Variants in AHI1 observed in about 807,000 individuals in gnomAD.
AHI1 encodes Abelson helper integration site 1, also known as jouberin.
A neutral mutation model predicts 149.3 loss-of-function variants in AHI1; 123 were observed. That is an observed-to-expected ratio of 0.82 (90% CI 0.71 to 0.96). The LOEUF is 0.96. Ranked by LOEUF, AHI1 falls within the 40% of genes least tolerant of loss-of-function variation. The pLI, the probability that AHI1 is intolerant of heterozygous loss-of-function variation, is 0.00. For missense variants in AHI1, 1,439 were observed against 1,422.7 expected (o/e 1.01, Z -0.18); for synonymous variants, 475 against 459.8 (o/e 1.03, Z -0.42).
intron 23 of AHI1, 126 bp from the exon 24 acceptor site, chr6:135,358,313 A>T: frequency 1.2e-6 from 1 of 806,754 alleles, no homozygotes; most frequent in Non-Finnish European, 2.1e-6. Flanking sequence ...AAAAAGTCTC[A>T]CTTGGAAGGC....
At chr6:135,295,916 G>A (rs560835925) in intron 27 of AHI1, among the ~76,000 whole-genome samples, 5 of 152,196 alleles carry the variant, frequency 3.3e-5, no homozygotes, top group South Asian at 4.1e-4. Context: ...GCAGTGGCAC[G>A]ATCTCGGCTC....
intron 27 of AHI1, among the ~76,000 whole-genome samples, chr6:135,295,485 C>G (rs895067734): frequency 6.6e-6 from 1 of 152,176 alleles, no homozygotes; most frequent in Non-Finnish European, 1.5e-5. Context: ...AAAAAAACCC[C>G]TATGTTCACA....
intron 26 of AHI1, among the ~76,000 whole-genome samples, chr6:135,303,998 C>CT (rs1339351327): frequency 3.9e-5 from 6 of 152,176 alleles, no homozygotes; most frequent in African/African-American, 9.7e-5. Context: ...TTGAAGTTTT[C>CT]TTTGACTTTA....
At chr6:135,356,324 C>T (rs543414601) in intron 24 of AHI1, among the ~76,000 whole-genome samples, 1 of 151,940 alleles carries the variant, frequency 6.6e-6, no homozygotes, top group Admixed American at 6.6e-5. Context: ...TCTCCTAAGC[C>T]CTTTAAAGAA....
rs1457793607 is a variant in AHI1 at position 135,323,201 on chromosome 6, G to A, written c.3289C>T (p.Gln1097Ter). The change falls in exon 25 of 29, where the codon CAG becomes TAG. Residue 1097 changes from glutamine to a stop codon, truncating the protein, a stop_gained. Coordinates refer to ENST00000265602, the MANE Select transcript of AHI1 (RefSeq NM_001134831.2). LOFTEE classifies it high-confidence loss of function. ...TGATTAGCTGGAAAATAACCTTCCTGTCCCTTTCCTATGCTGCCATACCAC... is the reference window on the plus strand; with the variant it reads ...TGATTAGCTGGAAAATAACCTTCCTATCCCTTTCCTATGCTGCCATACCAC... ...DWWYGSIGKG[Q>*]EGYFPANHVA... The A allele has an allele frequency of 2.5e-6, 4 of 1,613,342 alleles. No individual in the cohort carries two copies. The highest frequency in any genetic ancestry group is 3.4e-6 in the Non-Finnish European group (4 of 1,179,576).
chr6:135,331,643 A>G (rs1486684412), intron 24 of AHI1, among the ~76,000 whole-genome samples: 4 of 152,216 alleles, frequency 2.6e-5, no homozygotes, highest in African/African-American at 9.6e-5. Flanking sequence ...TGTTCCTTAC[A>G]GTTTTATCCA....
At chr6:135,466,629 A>G (rs907519580) in intron 6 of AHI1, among the ~76,000 whole-genome samples, 5 of 152,238 alleles carry the variant, frequency 3.3e-5, no homozygotes, top group Non-Finnish European at 5.9e-5. Context: ...TTAAGGACCT[A>G]TAAGAAGTGA....
chr6:135,377,853 A>G (rs537792401), intron 23 of AHI1, among the ~76,000 whole-genome samples: 1 of 152,214 alleles, frequency 6.6e-6, no homozygotes, highest in East Asian at 1.9e-4. Flanking sequence ...TCAACTCTGG[A>G]TTTATCAGAT....
At chr6:135,385,097 C>T (rs1777399874) in intron 23 of AHI1, among the ~76,000 whole-genome samples, 1 of 151,960 alleles carries the variant, frequency 6.6e-6, no homozygotes, top group East Asian at 1.9e-4. Context: ...CCCCCCACCT[C>T]CCAAAAAAGT....
intron 24 of AHI1, among the ~76,000 whole-genome samples, chr6:135,340,056 CA>C (rs1042346437): frequency 4.6e-5 from 7 of 152,034 alleles, no homozygotes; most frequent in African/African-American, 1.7e-4. Flanking sequence ...AACCATCCAG[CA>C]AAACACTCCT....
chr6:135,436,124 T>C (rs1450195685), intron 15 of AHI1, among the ~76,000 whole-genome samples: 1 of 152,190 alleles, frequency 6.6e-6, no homozygotes, highest in Non-Finnish European at 1.5e-5. Flanking sequence ...GTCATTAGCA[T>C]ATCAGCAAGA....
chr6:135,354,120 T>C (rs572648854), intron 24 of AHI1, among the ~76,000 whole-genome samples: 6 of 152,232 alleles, frequency 3.9e-5, no homozygotes, highest in Non-Finnish European at 7.4e-5. Flanking sequence ...AAATGCAAGC[T>C]GTAATTTTAT....
At chr6:135,455,699 A>T in intron 10 of AHI1, 35 bp downstream of exon 10, 1 of 1,384,482 alleles carries the variant, frequency 7.2e-7, no homozygotes, top group Non-Finnish European at 9.7e-7. Context: ...AATATTAACT[A>T]TCGTTTAATT....
chr6:135,322,331 A>G (rs1411975858), intron 25 of AHI1, among the ~76,000 whole-genome samples: 1 of 152,198 alleles, frequency 6.6e-6, no homozygotes, highest in Non-Finnish European at 1.5e-5. Flanking sequence ...AAGAAGCACT[A>G]CTGTACTTCT....
At chr6:135,480,206 T>C (rs894216733) in intron 5 of AHI1, among the ~76,000 whole-genome samples, 3 of 152,298 alleles carry the variant, frequency 2.0e-5, no homozygotes, top group East Asian at 1.9e-4. Flanking sequence ...ACGCCTGTAA[T>C]TGCACTTTGG....
In AHI1 at chr6:135,466,104, T is replaced by G. The variant is rs531024131; in HGVS notation, c.459A>C (p.Thr153=). The change falls in exon 7 of 29, where the codon ACA becomes ACC. Residue 153 remains threonine (T), a synonymous_variant. Transcript: ENST00000265602. ...GTGGCTTTGTATGTGTTTTCTGGTG[T>G]GTAGAATCAACCTTATTCTCAGGAG... ...PETPENKVDS[T]HQKTHTKPQP... 4.3e-5 allele frequency: 70 copies of G among 1,613,934 alleles called. 2 individuals carry two copies. The South Asian group carries it at 7.4e-4, about 17-fold the overall frequency.
At chr6:135,376,101 G>A (rs975866659) in intron 23 of AHI1, among the ~76,000 whole-genome samples, 1 of 151,914 alleles carries the variant, frequency 6.6e-6, no homozygotes, top group Non-Finnish European at 1.5e-5. Flanking sequence ...AATGGGGGGC[G>A]GGGCGGGGCG....
intron 11 of AHI1, among the ~76,000 whole-genome samples, chr6:135,451,924 A>G (rs907176642): frequency 1.6e-4 from 25 of 152,078 alleles, no homozygotes; most frequent in African/African-American, 5.3e-4. Flanking sequence ...AGATTTATAA[A>G]AGGGTGATCA....
At chr6:135,312,864 T>C (rs1785407180) in intron 26 of AHI1, among the ~76,000 whole-genome samples, 1 of 152,230 alleles carries the variant, frequency 6.6e-6, no homozygotes, top group East Asian at 1.9e-4. Context: ...TCTATGAACT[T>C]AGATGCCCCA....
Sources: gnomAD v4.1 joint callset for allele counts (sites outside exome capture counted in the v4.1 genomes callset) on GRCh38, gnomAD v4.1.1 for gene constraint, MANE v1.5 for transcripts, NCBI Gene and HGNC (gene_info 2026-07-23, HGNC 2026-07-21) for gene names.